Variants in TTC17 observed in about 807,000 individuals in gnomAD.
The protein encoded by TTC17 is tetratricopeptide repeat domain 17, also known as tetratricopeptide repeat protein 17.
TTC17 carries 58 observed loss-of-function variants against 143.8 expected under a neutral mutation model. The observed-to-expected ratio is 0.40, with a 90% CI of 0.33 to 0.50. The LOEUF (loss-of-function observed/expected upper bound fraction) is 0.50, where lower values mean the gene tolerates loss of function less well. Ranked by LOEUF, TTC17 falls within the 20% of genes least tolerant of loss-of-function variation. TTC17 has a pLI of 0.49. For missense variants in TTC17, 1,273 were observed against 1,392.5 expected (o/e 0.91, Z 1.37); for synonymous variants, 501 against 497.8 (o/e 1.01, Z -0.09).
At chr11:43,403,842 C>T (rs1207368775) in intron 10 of TTC17, among the ~76,000 whole-genome samples, 156 bp from the exon 11 acceptor site, 1 of 134,930 alleles carries the variant, frequency 7.4e-6, no homozygotes, top group East Asian at 1.9e-4. Context: ...ATCGTTGGGG[C>T]ATAGTTCTTA....
intron 5 of TTC17, chr11:43,396,217 T>A (rs1393017389): frequency 1.3e-5 from 2 of 152,120 alleles, no homozygotes; most frequent in African/African-American, 4.8e-5. Flanking sequence ...TGTTTGTTCA[T>A]GTTTTTGGCC....
In TTC17 at chr11:43,487,807, C is replaced by A. The variant is rs556388266; in HGVS notation, c.3031-2432C>A. Among the ~76,000 whole-genome samples the A allele has an allele frequency of 2.6e-5, 4 of 152,324 alleles. No homozygotes were observed. In the South Asian group the frequency reaches 6.2e-4, roughly 24 times the overall value. ...ATCAAAGTGCTGGCAGGGTTGGTCT[C>A]CCCTGAGACCTCTCTCTTCGGCTTG... On this transcript the variant is annotated intron_variant, in intron 21 of 23. Coordinates refer to ENST00000039989, the MANE Select transcript of TTC17 (RefSeq NM_018259.6).
intron 21 of TTC17, among the ~76,000 whole-genome samples, chr11:43,472,511 A>G (rs892814527): frequency 5.9e-5 from 9 of 152,228 alleles, no homozygotes; most frequent in African/African-American, 2.2e-4. Flanking sequence ...GTAAATTTAT[A>G]TGTAACTAAT....
chr11:43,444,722 T>C (rs61884762), intron 18 of TTC17, among the ~76,000 whole-genome samples: 223 of 143,622 alleles, frequency 1.6e-3, no homozygotes, highest in Non-Finnish European at 2.7e-3. Context: ...ACCAAATACA[T>C]ACACACACAC....
At chr11:43,487,467 C>A (rs1214782881) in intron 21 of TTC17, among the ~76,000 whole-genome samples, 1 of 152,124 alleles carries the variant, frequency 6.6e-6, no homozygotes, top group Non-Finnish European at 1.5e-5. Context: ...TATTTAAAAT[C>A]CTTTTGGAAT....
At chr11:43,431,914 T>C (rs1184110481) in intron 16 of TTC17, among the ~76,000 whole-genome samples, 2 of 152,250 alleles carry the variant, frequency 1.3e-5, no homozygotes, top group Non-Finnish European at 2.9e-5. Flanking sequence ...GCTGTACCCA[T>C]AACCACTGCT....
chr11:43,464,492 T>TA (rs1014361790), intron 21 of TTC17, among the ~76,000 whole-genome samples: 13 of 152,224 alleles, frequency 8.5e-5, no homozygotes, highest in South Asian at 4.1e-4. Context: ...TAACTTTTTT[T>TA]AAAAAAACTT....
chr11:43,397,199 G>A, intron 6 of TTC17, 148 bp from the exon 7 acceptor site: 6 of 849,960 alleles, frequency 7.1e-6, no homozygotes, highest in Non-Finnish European at 1.0e-5. Context: ...ATCAGATTAA[G>A]AGCCATCAAT....
chr11:43,384,959 G>A (rs1167549664), intron 2 of TTC17, among the ~76,000 whole-genome samples: 1 of 152,162 alleles, frequency 6.6e-6, no homozygotes, highest in African/African-American at 2.4e-5. Flanking sequence ...ATAATTAATA[G>A]ACAGATACTA....
intron 15 of TTC17, among the ~76,000 whole-genome samples, chr11:43,410,387 CTGTT>C (rs1248191485): frequency 2.6e-5 from 4 of 152,150 alleles, no homozygotes; most frequent in Admixed American, 6.6e-5. Flanking sequence ...TCTCAATAAA[CTGTT>C]TGTTTTTGTT....
rs201855180 is a variant in TTC17 at position 43,444,139 on chromosome 11, A to G, written c.2595A>G (p.Ile865Met). ...GGAAAAAAGTAGAAACAGGTCAGAT[A>G]GAAAATGGACATCGTTACCAAGCAA... ...TPGKKVETGQIENGHRYQANL... is the reference protein window; with the variant it reads ...TPGKKVETGQMENGHRYQANL... The change falls in exon 18 of 24, where the codon ATA becomes ATG. Residue 865 changes from isoleucine to methionine, a missense_variant. Coordinates refer to ENST00000039989, the MANE Select transcript of TTC17 (RefSeq NM_018259.6). 1 of 1,613,554 alleles carries G rather than the reference A, an allele frequency of 6.2e-7. No individual in the cohort carries two copies. The highest frequency in any genetic ancestry group is 8.5e-7 in the Non-Finnish European group (1 of 1,179,708).
intron 21 of TTC17, among the ~76,000 whole-genome samples, chr11:43,456,196 A>C (rs1269170747): frequency 6.6e-6 from 1 of 151,856 alleles, no homozygotes; most frequent in East Asian, 1.9e-4. Context: ...ACACACACAC[A>C]CACACACACA....
At chr11:43,445,025 G>C (rs768646840) in intron 18 of TTC17, among the ~76,000 whole-genome samples, 1 of 152,092 alleles carries the variant, frequency 6.6e-6, no homozygotes, top group Non-Finnish European at 1.5e-5. Context: ...TTGATCATGG[G>C]ATTGCTTATA....
chr11:43,441,924 A>G (rs1473630176), intron 16 of TTC17, among the ~76,000 whole-genome samples: 1 of 152,204 alleles, frequency 6.6e-6, no homozygotes, highest in Non-Finnish European at 1.5e-5. Flanking sequence ...AATTTTTTCC[A>G]ATGTGTTGCT....
At chr11:43,360,089 G>A (rs1856036793) in intron 1 of TTC17, among the ~76,000 whole-genome samples, 1 of 152,192 alleles carries the variant, frequency 6.6e-6, no homozygotes, top group Non-Finnish European at 1.5e-5. Flanking sequence ...GTTTTAACTA[G>A]TGTGGTGGGA....
At chr11:43,425,256 C>A (rs1935520380) in intron 16 of TTC17, among the ~76,000 whole-genome samples, 1 of 152,016 alleles carries the variant, frequency 6.6e-6, no homozygotes, top group Non-Finnish European at 1.5e-5. Context: ...GACTACGAAG[C>A]TAGGGTGCAC....
At chr11:43,399,620 G>C (rs909516135) in intron 8 of TTC17, among the ~76,000 whole-genome samples, 1 of 152,162 alleles carries the variant, frequency 6.6e-6, no homozygotes, top group African/African-American at 2.4e-5. Flanking sequence ...AGAGTACAAG[G>C]CTGCAGTGAG....
At chr11:43,476,603 G>A (rs537424831) in intron 21 of TTC17, among the ~76,000 whole-genome samples, 5 of 152,272 alleles carry the variant, frequency 3.3e-5, no homozygotes, top group African/African-American at 1.2e-4. Context: ...CAAGGCTTGG[G>A]GCTTCCACCC....
intron 8 of TTC17, among the ~76,000 whole-genome samples, chr11:43,398,667 G>A (rs1278422528): frequency 6.6e-6 from 1 of 152,120 alleles, no homozygotes; most frequent in Admixed American, 6.5e-5. Flanking sequence ...GATCCTTGAG[G>A]TATAATAAGT....
Sources: gnomAD v4.1 joint callset for allele counts (sites outside exome capture counted in the v4.1 genomes callset) on GRCh38, gnomAD v4.1.1 for gene constraint, MANE v1.5 for transcripts, NCBI Gene and HGNC (gene_info 2026-07-23, HGNC 2026-07-21) for gene names.